The following NLE1 variants were observed in gnomAD, a reference collection of about 807,000 sequenced individuals.
NLE1 encodes the protein notchless homolog 1, also known as notchless protein homolog 1.
In NLE1, 37 loss-of-function variants were observed where a neutral mutation model predicts 62.8. The ratio of observed to expected loss-of-function variants is 0.59; its 90% confidence interval spans 0.45 to 0.78. NLE1 has a LOEUF of 0.78. Ranked by LOEUF, NLE1 falls within the 30% of genes least tolerant of loss-of-function variation. NLE1 has a pLI of 0.00. For synonymous variants in NLE1, 243 were observed against 253.0 expected, an observed-to-expected ratio of 0.96 and a Z score of 0.37; for missense variants, 555 against 637.9, an observed-to-expected ratio of 0.87 and a Z score of 1.40.
In NLE1 at chr17:35,132,429, G is replaced by T; in HGVS notation, c.*8C>A. 1.4e-6 allele frequency: 2 copies of T among 1,435,834 alleles called. No individual in the cohort carries two copies. Among genetic ancestry groups the T allele is most frequent in the Non-Finnish European group, 9.2e-7 (1 of 1,092,294 alleles). 88.9% of individuals were successfully genotyped at this position (1,435,834 alleles called of 1,614,324 possible). Reference sequence around the variant, plus strand: ...CGAGGTGGGGGTCAGAGAGAACTTCGGGCCGTCTCATCTCCTCCATCTGTG... The same window carrying T: ...CGAGGTGGGGGTCAGAGAGAACTTCTGGCCGTCTCATCTCCTCCATCTGTG... On this transcript the variant is annotated 3_prime_UTR_variant, in exon 13 of 13. Coordinates refer to ENST00000442241, the MANE Select transcript of NLE1 (RefSeq NM_018096.5).
intron 12 of NLE1, among the ~76,000 whole-genome samples, chr17:35,132,870 T>C (rs541352780): frequency 1.3e-5 from 2 of 152,208 alleles, no homozygotes; most frequent in East Asian, 3.9e-4. Flanking sequence ...AAGACCTGGA[T>C]GCGCCCTCTA....
At position 35,139,272 on chromosome 17, in the gene NLE1, C is replaced by T; in HGVS notation, c.423G>A (p.Trp141Ter). Residue 141 changes from tryptophan to a stop codon, truncating the protein, a stop_gained, in exon 4 of 13, where the codon TGG becomes TGA. Transcript: ENST00000442241. LOFTEE classifies it high-confidence loss of function. Reference sequence around the variant, plus strand: ...AATGTGGTGTCTCTGTGCTGAGATCCCAGAAGCGCACGGTGGTGTCTCCAG... The same window carrying T: ...AATGTGGTGTCTCTGTGCTGAGATCTCAGAAGCGCACGGTGGTGTCTCCAG... ...SGSGDTTVRF[W>*]DLSTETPHFT... The T allele has an allele frequency of 1.2e-6, 2 of 1,614,024 alleles. No homozygotes were observed. The highest frequency in any genetic ancestry group is 1.7e-6 in the Non-Finnish European group (2 of 1,179,956).
chr17:35,135,011 C>T (rs768132731), intron 10 of NLE1: 24 of 608,608 alleles, frequency 3.9e-5, no homozygotes, highest in South Asian at 2.4e-4. Flanking sequence ...AAGATCGTGC[C>T]GCTGCACTCG....
Position 35,135,355 on chromosome 17 carries a change from C to G in NLE1, c.1108G>C (p.Gly370Arg). The G allele has an allele frequency of 6.2e-7, 1 of 1,614,178 alleles. No homozygotes were observed. The highest frequency in any genetic ancestry group is 8.5e-7 in the Non-Finnish European group (1 of 1,180,028). Residue 370 changes from glycine (G) to arginine (R), a missense_variant, in exon 10 of 13, where the codon GGA (glycine) becomes CGA (arginine). Transcript: ENST00000442241. ...ACCTGGTTGATGAGAGCTTGGTGTCCTGTCATCCGAGTGAGAGGCTTTTTG... is the reference window on the plus strand; with the variant it reads ...ACCTGGTTGATGAGAGCTTGGTGTCGTGTCATCCGAGTGAGAGGCTTTTTG... ...EDKKPLTRMT[G>R]HQALINQVLF...
intron 2 of NLE1, among the ~76,000 whole-genome samples, chr17:35,141,733 A>T (rs975092060): frequency 6.6e-6 from 1 of 152,212 alleles, no homozygotes; most frequent in African/African-American, 2.4e-5. Flanking sequence ...ACTGTGACAA[A>T]GAATCAATGA....
Position 35,132,466 on chromosome 17 carries a change from G to A in NLE1, c.1446-17C>T. ...CTCCTCCATCTGTGGAGAAGGGAAG[G>A]GTGTCAGGATGGGGATTCCACCTTA... is the stretch of plus-strand genomic sequence containing the variant. On this transcript the variant is annotated splice_polypyrimidine_tract_variant and intron_variant, in intron 12 of 12. Coordinates refer to ENST00000442241, the MANE Select transcript of NLE1 (RefSeq NM_018096.5). 7.2e-7 allele frequency: 1 copy of A among 1,388,714 alleles called. No homozygotes were observed. The highest frequency in any genetic ancestry group is 3.2e-5 in the Admixed American group (1 of 31,464). The allele number at this position is 1,388,714 out of a possible 1,614,324, so 86.0% of individuals were successfully genotyped here.
chr17:35,139,273 C>A lies in NLE1; in HGVS notation c.422G>T (p.Trp141Leu). Reference protein sequence around the residue: ...SGSGDTTVRFWDLSTETPHFT... With the variant: ...SGSGDTTVRFLDLSTETPHFT... Reference sequence around the variant, plus strand: ...ATGTGGTGTCTCTGTGCTGAGATCCCAGAAGCGCACGGTGGTGTCTCCAGA... The same window carrying A: ...ATGTGGTGTCTCTGTGCTGAGATCCAAGAAGCGCACGGTGGTGTCTCCAGA... Residue 141 changes from tryptophan (W) to leucine (L), a missense_variant, in exon 4 of 13, where the codon TGG (tryptophan) becomes TTG (leucine). By Grantham distance (61) the Trp-to-Leu change is moderately conservative. Transcript: ENST00000442241. 6.2e-7 allele frequency: 1 copy of A among 1,614,068 alleles called. No individual in the cohort carries two copies. Among genetic ancestry groups the A allele is most frequent in the Non-Finnish European group, 8.5e-7 (1 of 1,179,966 alleles).
rs369649709 is a variant in NLE1, at chr17:35,131,182, C to G, written c.*1255G>C. On this transcript the variant is annotated 3_prime_UTR_variant, in exon 13 of 13. Transcript: ENST00000442241. ...GGCCTGGTGCAGTCTGAGAGCACAG[C>G]AGACAAACAGCTGGCACCAAGGAGC... 3 of 152,216 alleles carry G rather than the reference C, an allele frequency of 2.0e-5. No homozygotes were observed. Among genetic ancestry groups the G allele is most frequent in the African/African-American group, 7.2e-5 (3 of 41,424 alleles). 9.4% of individuals were successfully genotyped at this position (152,216 alleles called of 1,614,324 possible).
In NLE1 at chr17:35,133,382, T is replaced by C. The variant is rs745431652; in HGVS notation, c.1331A>G (p.Lys444Arg). ...SDSTLKVWDVKAQKLAMDLPG... is the reference protein window; with the variant it reads ...SDSTLKVWDVRAQKLAMDLPG... ...CAGGTCCATGGCCAGCTTCTGGGCC[T>C]TCACATCCCACACCTTCAGTGTGCT... Residue 444 changes from lysine (K) to arginine (R), a missense_variant, in exon 11 of 13, where the codon AAG becomes AGG. By Grantham distance (26) the Lys-to-Arg change is conservative. Transcript: ENST00000442241. 1.9e-6 allele frequency: 3 copies of C among 1,614,186 alleles called. No individual in the cohort carries two copies. The South Asian group carries it at 3.3e-5, about 18-fold the overall frequency.
chr17:35,138,106 C>T (rs1244915395), intron 4 of NLE1, among the ~76,000 whole-genome samples: 2 of 152,206 alleles, frequency 1.3e-5, no homozygotes, highest in African/African-American at 2.4e-5. Flanking sequence ...TCTCTAATGA[C>T]TCCTTATGTG....
Position 35,136,501 on chromosome 17 carries a change from C to A in NLE1, c.829-4G>T, listed in dbSNP as rs372608985. The A allele has an allele frequency of 1.3e-4, 215 of 1,608,832 alleles. 3 individuals are homozygous for A. The South Asian group carries it at 2.2e-3, about 17-fold the overall frequency. ...GCAGAGTCCGGCACAGCACACCCTACGGGAGAGCGAGTCAGGTCAGACACA... is the reference window on the plus strand; with the variant it reads ...GCAGAGTCCGGCACAGCACACCCTAAGGGAGAGCGAGTCAGGTCAGACACA... On this transcript the variant is annotated splice_region_variant and splice_polypyrimidine_tract_variant and intron_variant, in intron 7 of 12. Transcript: ENST00000442241.
At chr17:35,138,564 C>CAAGAA (rs2091923771) in intron 4 of NLE1, among the ~76,000 whole-genome samples, 1 of 152,186 alleles carries the variant, frequency 6.6e-6, no homozygotes. Context: ...CTGCCTCAGC[C>CAAGAA]TCCCCAGTGG....
chr17:35,139,461 T>C (rs2091929446), intron 3 of NLE1, 147 bp from the exon 4 acceptor site: 1 of 668,552 alleles, frequency 1.5e-6, no homozygotes. Context: ...TCTGGGAGAA[T>C]ACATCAGGAG....
At position 35,129,690 on chromosome 17, in the gene NLE1, TG is replaced by T. The variant is rs768979419; in HGVS notation, c.*2746del. On this transcript the variant is annotated 3_prime_UTR_variant, in exon 13 of 13. Transcript: ENST00000442241. ...CCTGGGAAAAGAGGGGCCTTGGGGG[TG>T]GAGAGAAGTCCAAAGCCAGGGAACC... 6.2e-7 allele frequency: 1 copy of T among 1,602,382 alleles called. No homozygotes were observed. The highest frequency in any genetic ancestry group is 1.1e-5 in the South Asian group (1 of 89,800).
rs1416389094 is a variant in NLE1, at chr17:35,133,192, C to G, written c.1424G>C (p.Gly475Ala). 1 of 1,614,118 alleles carries G rather than the reference C, an allele frequency of 6.2e-7. No homozygotes were observed. Among genetic ancestry groups the G allele is most frequent in the Non-Finnish European group, 8.5e-7 (1 of 1,180,054 alleles). The change falls in exon 12 of 13, where the codon GGG becomes GCG. Residue 475 changes from glycine to alanine, a missense_variant. Transcript: ENST00000442241. ...SPDGQRVASG[G>A]KDKCLRIWRR Reference sequence around the variant, plus strand: ...TCACATCCGGAGGCATTTGTCCTTCCCACCACTTGCCACTCTCTGGCCATC... The same window carrying G: ...TCACATCCGGAGGCATTTGTCCTTCGCACCACTTGCCACTCTCTGGCCATC...
intron 8 of NLE1, 35 bp downstream of exon 8, chr17:35,136,327 A>G: frequency 3.7e-6 from 6 of 1,607,874 alleles, no homozygotes; most frequent in Non-Finnish European, 5.1e-6. Flanking sequence ...CTCCTTCCCA[A>G]TCAGCCCCCG....
At chr17:35,133,583 G>T in intron 10 of NLE1, 85 bp from the exon 11 acceptor site, 1 of 1,301,930 alleles carries the variant, frequency 7.7e-7, no homozygotes, top group South Asian at 1.4e-5. Flanking sequence ...TCATGGCAGT[G>T]GTTCTCAACC....
intron 6 of NLE1, among the ~76,000 whole-genome samples, 167 bp from the exon 7 acceptor site, chr17:35,137,360 A>AT (rs1158549535): frequency 6.6e-6 from 1 of 152,192 alleles, no homozygotes; most frequent in Non-Finnish European, 1.5e-5. Context: ...CCCTGTGATG[A>AT]GAGCCTCTCC....
intron 9 of NLE1, 125 bp downstream of exon 9, chr17:35,136,043 AG>A (rs2091906369): frequency 1.1e-6 from 1 of 894,292 alleles, no homozygotes; most frequent in Non-Finnish European, 1.7e-6. Context: ...AGGATTATGA[AG>A]AACAACTTTT....
Sources: allele counts gnomAD v4.1 joint callset (sites outside exome capture counted in the v4.1 genomes callset), GRCh38; gene constraint gnomAD v4.1.1; transcripts MANE v1.5; gene names NCBI Gene and HGNC (gene_info 2026-07-23, HGNC 2026-07-21).